PLEKHG1: variants seen among roughly 807,000 people sequenced by gnomAD.
PLEKHG1 encodes pleckstrin homology domain-containing family G member 1.
In PLEKHG1, 44 loss-of-function variants were observed where a neutral mutation model predicts 100.8. The observed-to-expected ratio is 0.44, with a 90% CI of 0.34 to 0.56. The LOEUF is 0.56. Ranked by LOEUF, PLEKHG1 falls within the 20% of genes least tolerant of loss-of-function variation. The pLI, the probability that PLEKHG1 is intolerant of heterozygous loss-of-function variation, is 0.01. For synonymous variants in PLEKHG1, 640 were observed against 662.5 expected, an observed-to-expected ratio of 0.97 and a Z score of 0.52; for missense variants, 1,545 against 1,720.9, an observed-to-expected ratio of 0.90 and a Z score of 1.81.
intron 3 of PLEKHG1, among the ~76,000 whole-genome samples, chr6:150,654,819 A>G (rs978091485): frequency 3.3e-5 from 5 of 152,264 alleles, no homozygotes; most frequent in African/African-American, 9.6e-5. Context: ...TGAATAAGTA[A>G]CTTGTTGTAT....
intron 1 of PLEKHG1, among the ~76,000 whole-genome samples, chr6:150,608,796 T>C (rs1562379732): frequency 6.6e-6 from 1 of 152,214 alleles, no homozygotes; most frequent in Non-Finnish European, 1.5e-5. Context: ...GCGGGAATAG[T>C]GTAGAAATTG....
intron 3 of PLEKHG1, among the ~76,000 whole-genome samples, chr6:150,784,955 C>CGGT (rs1785527020): frequency 6.6e-6 from 1 of 151,682 alleles, no homozygotes; most frequent in Non-Finnish European, 1.5e-5. Context: ...GTTGCTCACA[C>CGGT]TACCCAGCGC....
chr6:150,791,847 G>A (rs17080320), intron 4 of PLEKHG1, among the ~76,000 whole-genome samples: 6,786 of 152,254 alleles, frequency 0.045, 465 homozygotes, highest in African/African-American at 0.15. Flanking sequence ...TAACCATGCA[G>A]TAGGAATTTC....
At chr6:150,721,301 C>A in intron 1 of PLEKHG1, 1 of 315,718 alleles carries the variant, frequency 3.2e-6, no homozygotes, top group Non-Finnish European at 4.6e-6. Context: ...GAAGGGGTCG[C>A]AGGGGGGGCT....
intron 2 of PLEKHG1, among the ~76,000 whole-genome samples, chr6:150,753,388 A>G (rs1296482475): frequency 6.6e-6 from 1 of 152,130 alleles, no homozygotes; most frequent in African/African-American, 2.4e-5. Flanking sequence ...CTTTGGATCC[A>G]CAAGAAATGT....
At chr6:150,610,408 A>G (rs1288674817) in intron 1 of PLEKHG1, among the ~76,000 whole-genome samples, 5 of 152,188 alleles carry the variant, frequency 3.3e-5, no homozygotes, top group African/African-American at 9.7e-5. Flanking sequence ...GACCTATTCT[A>G]GCACTTTCTA....
chr6:150,704,944 G>A (rs36013074), intron 3 of PLEKHG1, among the ~76,000 whole-genome samples: 3,804 of 152,216 alleles, frequency 0.025, 79 homozygotes, highest in Middle Eastern at 0.12. Context: ...TTCCTATAGG[G>A]ACACCAGTCC....
intron 15 of PLEKHG1, among the ~76,000 whole-genome samples, chr6:150,836,703 G>C (rs1777238248): frequency 1.3e-5 from 2 of 151,588 alleles, no homozygotes; most frequent in Non-Finnish European, 2.9e-5. Flanking sequence ...CATGCCTATA[G>C]TCCCAGGTAC....
At chr6:150,713,786 C>T (rs1309572511) in intron 3 of PLEKHG1, among the ~76,000 whole-genome samples, 1 of 152,120 alleles carries the variant, frequency 6.6e-6, no homozygotes. Flanking sequence ...TGGAGCTGAG[C>T]CCTCTCCTTC....
intron 1 of PLEKHG1, among the ~76,000 whole-genome samples, chr6:150,721,620 A>G (rs543542779): frequency 1.3e-5 from 2 of 152,342 alleles, no homozygotes; most frequent in South Asian, 4.1e-4. Context: ...AGTTGGAGGA[A>G]CAAAATAAAT....
intron 3 of PLEKHG1, among the ~76,000 whole-genome samples, chr6:150,652,280 G>A (rs1251521043): frequency 6.6e-6 from 1 of 152,144 alleles, no homozygotes; most frequent in Non-Finnish European, 1.5e-5. Flanking sequence ...ATCAGGCTCT[G>A]ACCACATTAT....
chr6:150,743,746 A>C (rs948521150), intron 2 of PLEKHG1, among the ~76,000 whole-genome samples: 5 of 147,384 alleles, frequency 3.4e-5, no homozygotes, highest in African/African-American at 5.0e-5. Context: ...ATTACCTCCC[A>C]CCCCCTCCTT....
chr6:150,657,929 G>C (rs1779032895), intron 3 of PLEKHG1, among the ~76,000 whole-genome samples: 2 of 152,202 alleles, frequency 1.3e-5, no homozygotes, highest in African/African-American at 4.8e-5. Context: ...CCAGTGTCTG[G>C]AACAGACATT....
intron 1 of PLEKHG1, among the ~76,000 whole-genome samples, chr6:150,628,575 C>CACACACACACACACACACACACACATAT (rs754227842): frequency 7.3e-6 from 1 of 137,370 alleles, no homozygotes; most frequent in Non-Finnish European, 1.6e-5. Flanking sequence ...CACACACACA[C>CACACACACACACACACACACACACATAT]ACCCCGTCCT....
exon 16 of PLEKHG1, chr6:150,840,976 A>G (rs1009385458): frequency 1.0e-5 from 11 of 1,089,926 alleles, no homozygotes; most frequent in African/African-American, 3.1e-5. Context: ...TGTTTTATGT[A>G]TACCAGATTA....
At chr6:150,759,818 GA>G (rs1376623603) in intron 2 of PLEKHG1, among the ~76,000 whole-genome samples, 2 of 152,028 alleles carry the variant, frequency 1.3e-5, no homozygotes, top group Non-Finnish European at 2.9e-5. Context: ...GCAACATAGT[GA>G]GACCCTATCT....
intron 2 of PLEKHG1, among the ~76,000 whole-genome samples, chr6:150,754,669 C>CT (rs1203495060): frequency 0.021 from 2,872 of 134,870 alleles, 68 homozygotes; most frequent in African/African-American, 0.055. Context: ...GACTTTCTTT[C>CT]TTTTTTTTTT....
At chr6:150,659,078 C>T (rs935901675) in intron 3 of PLEKHG1, among the ~76,000 whole-genome samples, 1 of 152,162 alleles carries the variant, frequency 6.6e-6, no homozygotes, top group African/African-American at 2.4e-5. Flanking sequence ...ATCTTCACAG[C>T]CGTCAGATGT....
intron 1 of PLEKHG1, among the ~76,000 whole-genome samples, chr6:150,617,821 A>G (rs1001983945): frequency 2.6e-5 from 4 of 152,338 alleles, no homozygotes; most frequent in South Asian, 2.1e-4. Context: ...ATTGATGGGT[A>G]TATCAGCAGC....
Sources: gnomAD v4.1 joint callset for allele counts (sites outside exome capture counted in the v4.1 genomes callset) on GRCh38, gnomAD v4.1.1 for gene constraint, MANE v1.5 for transcripts, NCBI Gene and HGNC (gene_info 2026-07-23, HGNC 2026-07-21) for gene names.